VWF: variants seen among roughly 807,000 people sequenced by gnomAD.
The protein encoded by VWF is von Willebrand factor.
A neutral mutation model predicts 308.6 loss-of-function variants in VWF; 176 were observed. That is an observed-to-expected ratio of 0.57 (90% CI 0.50 to 0.65). VWF has a LOEUF of 0.65. VWF is among the 30% of genes least tolerant of loss of function. The probability of loss-of-function intolerance (pLI) is 0.00; values close to 1 mark genes in which losing one functional copy is unlikely to be tolerated. For missense variants in VWF, 3,146 were observed against 3,648.2 expected (o/e 0.86, Z 3.55); for synonymous variants, 1,385 against 1,443.4 (o/e 0.96, Z 0.92).
At chr12:5,971,500 G>A in intron 44 of VWF, 99 bp downstream of exon 44, 3 of 986,904 alleles carry the variant, frequency 3.0e-6, no homozygotes, top group Non-Finnish European at 4.8e-6. Context: ...GCCCAGTGGG[G>A]AAAGCAAAGG....
In VWF at chr12:6,042,873, G is replaced by A. The variant is rs1044063200; in HGVS notation, c.2442+1418C>T. Among the ~76,000 whole-genome samples the A allele has an allele frequency of 3.5e-4, 53 of 152,136 alleles. 2 individuals carry two copies. The highest frequency in any genetic ancestry group is 2.9e-5 in the Non-Finnish European group (2 of 68,034). On this transcript the variant is annotated intron_variant, in intron 18 of 51. Coordinates refer to ENST00000261405, the MANE Select transcript of VWF (RefSeq NM_000552.5). Reference sequence around the variant, plus strand: ...CCGATGCTGACATAGTCCTCTGAGTGATGTTCCTTTTCCTGCTGAGTATGA... The same window carrying A: ...CCGATGCTGACATAGTCCTCTGAGTAATGTTCCTTTTCCTGCTGAGTATGA...
chr12:6,071,211 T>C, intron 10 of VWF, 86 bp downstream of exon 10: 1 of 1,526,182 alleles, frequency 6.6e-7, no homozygotes, highest in Non-Finnish European at 9.0e-7. Flanking sequence ...CTGCCTTGAG[T>C]TGTGGCCCTC....
At position 6,063,584 on chromosome 12, in the gene VWF, G is replaced by C. The variant is rs779303856; in HGVS notation, c.1433-530C>G. On this transcript the variant is annotated intron_variant, in intron 12 of 51. Transcript: ENST00000261405. This position sits in a 1 kb window ranked among gnomAD's most constrained non-coding sequence, Gnocchi z 4.9. Reference sequence around the variant, plus strand: ...GACACACAGCATAACACCCATGGACGTGCTGGGTACCCACTAGCCCAAGTT... The same window carrying C: ...GACACACAGCATAACACCCATGGACCTGCTGGGTACCCACTAGCCCAAGTT... Among the ~76,000 whole-genome samples the C allele has an allele frequency of 6.6e-6, 1 of 152,154 alleles. No individual in the cohort carries two copies. Among genetic ancestry groups the C allele is most frequent in the African/African-American group, 2.4e-5 (1 of 41,432 alleles).
At chr12:6,018,004 GA>G (rs1944081619) in intron 28 of VWF, among the ~76,000 whole-genome samples, 1 of 151,444 alleles carries the variant, frequency 6.6e-6, no homozygotes, top group South Asian at 2.1e-4. Context: ...AGGTTACCTT[GA>G]AGGCAGAGGG....
intron 38 of VWF, among the ~76,000 whole-genome samples, chr12:5,985,935 A>G (rs1943675838): frequency 6.6e-6 from 1 of 152,252 alleles, no homozygotes; most frequent in African/African-American, 2.4e-5. Flanking sequence ...CCAAGCAAAG[A>G]AAGAAAAATG....
rs140972891 is a variant in VWF at position 6,028,498 on chromosome 12, G to A, written c.2967+844C>T. Among the ~76,000 whole-genome samples the A allele has an allele frequency of 3.6e-3, 546 of 152,296 alleles. 5 individuals are homozygous for A. The highest frequency in any genetic ancestry group is 0.012 in the African/African-American group (514 of 41,566). ...TGAAATGAAGGAAAAAGTGTTAAGG[G>A]CAGCCAGAGAGAAATGTCGAGTTAC... On this transcript the variant is annotated intron_variant, in intron 22 of 51. Transcript: ENST00000261405.
At chr12:6,106,643 C>T (rs145264337) in intron 5 of VWF, among the ~76,000 whole-genome samples, 71 of 152,000 alleles carry the variant, frequency 4.7e-4, no homozygotes, top group African/African-American at 1.6e-3. Flanking sequence ...GGAGGCTAAG[C>T]GGAGGCGGAT....
chr12:6,081,847 A>C (rs1944914496), intron 6 of VWF, among the ~76,000 whole-genome samples: 1 of 152,244 alleles, frequency 6.6e-6, no homozygotes, highest in Admixed American at 6.5e-5. Context: ...CGCAGATATG[A>C]GAGTCCAGAT....
rs1276632397 is a variant in VWF, at chr12:6,012,137, C to T, written c.5621-7G>A. ...ATGCAAATCCTAACAAATCCTGCAACAGACACAAATAAGACCTTAGTTCCC... is the reference window on the plus strand; with the variant it reads ...ATGCAAATCCTAACAAATCCTGCAATAGACACAAATAAGACCTTAGTTCCC... On this transcript the variant is annotated splice_polypyrimidine_tract_variant and splice_region_variant and intron_variant, in intron 32 of 51. Transcript: ENST00000261405. 1.2e-6 allele frequency: 2 copies of T among 1,613,872 alleles called. No homozygotes were observed. Among genetic ancestry groups the T allele is most frequent in the African/African-American group, 2.7e-5 (2 of 74,920 alleles).
In VWF at chr12:5,996,185, G is replaced by A. The variant is rs1197551133; in HGVS notation, c.5880C>T (p.Thr1960=). ...CTGSSTRHIV[T]FDGQNFKLTG... Reference sequence around the variant, plus strand: ...TCAGCTTGAAATTCTGCCCATCAAAGGTCACGATGTGCCGAGTGGAGCTGC... The same window carrying A: ...TCAGCTTGAAATTCTGCCCATCAAAAGTCACGATGTGCCGAGTGGAGCTGC... Residue 1960 remains threonine (T), a synonymous_variant, in exon 35 of 52, where the codon ACC becomes ACT. Coordinates refer to ENST00000261405, the MANE Select transcript of VWF (RefSeq NM_000552.5). The A allele has an allele frequency of 1.2e-6, 2 of 1,613,910 alleles. No individual in the cohort carries two copies. The highest frequency in any genetic ancestry group is 3.3e-5 in the Admixed American group (2 of 59,992).
At chr12:6,035,042 A>G (rs747956866) in intron 19 of VWF, among the ~76,000 whole-genome samples, 1 of 152,154 alleles carries the variant, frequency 6.6e-6, no homozygotes, top group Non-Finnish European at 1.5e-5. Flanking sequence ...GCTGTCCCTA[A>G]AAGGGGGAAA....
At chr12:5,991,721 C>A in intron 38 of VWF, 98 bp downstream of exon 38, 1 of 1,341,630 alleles carries the variant, frequency 7.5e-7, no homozygotes. Flanking sequence ...GTCAACCCTG[C>A]TGCCACAGTT....
chr12:6,110,550 T>C lies in VWF; in HGVS notation c.356A>G (p.Tyr119Cys), dbSNP rs1305880207. The change falls in exon 5 of 52, where the codon TAT (tyrosine) becomes TGT (cysteine). Residue 119 changes from tyrosine (Y) to cysteine (C), a missense_variant. Around this residue, in one of 3 missense-constraint regions of VWF, gnomAD observed 1,304 missense variants for 1,353.0 expected, o/e 0.96. Transcript: ENST00000261405. ...VSMPYASKGL[Y>C]LETEAGYYKL... The stretch of plus-strand genomic sequence containing the variant: ...GTAGTACCCAGCCTCAGTTTCTAGA[T>C]ACAGCCCTTTGGAGGCATAGGGCAT... The C allele has an allele frequency of 3.7e-6, 6 of 1,614,060 alleles. No homozygotes were observed. Among genetic ancestry groups the C allele is most frequent in the Non-Finnish European group, 1.7e-6 (2 of 1,180,040 alleles).
intron 51 of VWF, 69 bp from the exon 52 acceptor site, chr12:5,949,272 G>A: frequency 6.5e-7 from 1 of 1,541,566 alleles, no homozygotes; most frequent in Non-Finnish European, 8.9e-7. Context: ...AGGGCTCTGG[G>A]GCAGCCTGCT....
rs1006048065 is a variant in VWF at position 6,075,695 on chromosome 12, T to C, written c.658-144A>G. On this transcript the variant is annotated intron_variant, in intron 6 of 51. Coordinates refer to ENST00000261405, the MANE Select transcript of VWF (RefSeq NM_000552.5). This position sits in a 1 kb window ranked among gnomAD's most constrained non-coding sequence, Gnocchi z 4.7. ...GCACCAAGCACATGCATGTGTTCAA[T>C]GCACCAGCCCATCGACCAAGGAAAA... The C allele has an allele frequency of 2.9e-5, 25 of 849,184 alleles. No homozygotes were observed. The highest frequency in any genetic ancestry group is 4.7e-5 in the Non-Finnish European group (24 of 515,094). The allele number at this position is 849,184 out of a possible 1,614,324, so 52.6% of individuals were successfully genotyped here. A position where few individuals can be genotyped will look rare whatever the true frequency, so the allele number is the denominator to read the frequency against.
At chr12:6,077,146 C>T (rs1339750996) in intron 6 of VWF, among the ~76,000 whole-genome samples, 1 of 152,204 alleles carries the variant, frequency 6.6e-6, no homozygotes, top group Non-Finnish European at 1.5e-5. Flanking sequence ...CCCATCTCTA[C>T]TGAAAATATA....
At chr12:5,967,020 G>A (rs922613289) in intron 47 of VWF, among the ~76,000 whole-genome samples, 4 of 152,148 alleles carry the variant, frequency 2.6e-5, no homozygotes, top group African/African-American at 9.7e-5. Context: ...GCAAAAACAG[G>A]GTGAAATATT....
rs1271088495 is a variant in VWF at position 5,985,114 on chromosome 12, T to G, written c.6907A>C (p.Thr2303Pro). 2 of 1,614,032 alleles carry G rather than the reference T, an allele frequency of 1.2e-6. No individual in the cohort carries two copies. Among genetic ancestry groups the G allele is most frequent in the Non-Finnish European group, 1.7e-6 (2 of 1,180,020 alleles). The change falls in exon 40 of 52, where the codon ACG becomes CCG. Residue 2303 changes from threonine to proline, a missense_variant. By Grantham distance (38) the Thr-to-Pro change is conservative (BLOSUM62 -1). Around this residue, in one of 3 missense-constraint regions of VWF, gnomAD observed 989 missense variants for 1,117.4 expected, o/e 0.89. Coordinates refer to ENST00000261405, the MANE Select transcript of VWF (RefSeq NM_000552.5). ...CGGGCTACTTCACACAGGCCACACG[T>G]GGGAGCTAGAGGAGAGGAACGGCCA... The part of the protein sequence containing the change: ...TQPCPTAKAP[T>P]CGLCEVARLR...
At chr12:5,983,607 CAT>C (rs1191238729) in intron 40 of VWF, among the ~76,000 whole-genome samples, 1 of 150,536 alleles carries the variant, frequency 6.6e-6, no homozygotes, top group African/African-American at 2.4e-5. Flanking sequence ...GATGATAAAA[CAT>C]AGGGTAGATA....
Sources: allele counts gnomAD v4.1 joint callset (sites outside exome capture counted in the v4.1 genomes callset), GRCh38; gene constraint gnomAD v4.1.1; regional missense constraint gnomAD v4.1.1; non-coding constraint Gnocchi (gnomAD v3.1); transcripts MANE v1.5; gene names NCBI Gene and HGNC (gene_info 2026-07-23, HGNC 2026-07-21).